The following KLRG1 variants were observed in gnomAD, a reference collection of about 807,000 sequenced individuals.
KLRG1 encodes the protein killer cell lectin like receptor G1.
In KLRG1, 16 loss-of-function variants were observed where a neutral mutation model predicts 21.8. The ratio of observed to expected loss-of-function variants is 0.73; its 90% CI spans 0.50 to 1.11. The LOEUF (loss-of-function observed/expected upper bound fraction) is 1.11. Ranked by LOEUF, KLRG1 falls within the 50% of genes most tolerant of loss-of-function variation. KLRG1 has a pLI of 0.00. For missense variants in KLRG1, 173 were observed against 218.3 expected (o/e 0.79, Z 1.31); for synonymous variants, 69 against 75.9 (o/e 0.91, Z 0.47).
At chr12:9,093,654 C>CAAAA in the KLRG1 span, 2 of 531,678 alleles carry the variant, frequency 3.8e-6, no homozygotes, top group Non-Finnish European at 5.5e-6. Flanking sequence ...TAGTTGCCAC[C>CAAAA]AAAAAAAAAA....
At chr12:8,966,011 C>G (rs2137235965) in intron 1 of KLRG1, among the ~76,000 whole-genome samples, 1 of 152,258 alleles carries the variant, frequency 6.6e-6, no homozygotes, top group African/African-American at 2.4e-5. Context: ...TGGAACAGAA[C>G]AGAGCCCTCA....
the KLRG1 span, among the ~76,000 whole-genome samples, chr12:9,074,184 G>A: frequency 6.6e-6 from 1 of 151,958 alleles, no homozygotes; most frequent in Non-Finnish European, 1.5e-5. Flanking sequence ...AGAGATTTGC[G>A]AGGAGAGGTT....
the KLRG1 span, among the ~76,000 whole-genome samples, chr12:9,161,800 A>G: frequency 2.2e-3 from 341 of 152,326 alleles, 1 homozygote; most frequent in African/African-American, 7.8e-3. Context: ...CTTCTTAATG[A>G]TATGATGAAC....
At chr12:9,204,229 G>T in the KLRG1 span, among the ~76,000 whole-genome samples, 2 of 152,296 alleles carry the variant, frequency 1.3e-5, no homozygotes, top group East Asian at 3.9e-4. Context: ...GTAAAGAGCA[G>T]TCTGAGCTCT....
the KLRG1 span, chr12:9,028,982 T>C: frequency 2.1e-4 from 126 of 614,534 alleles, no homozygotes; most frequent in Non-Finnish European, 3.7e-4. Flanking sequence ...GCGTTCCCCA[T>C]TGCTCACAAT....
chr12:9,056,430 T>G, the KLRG1 span, among the ~76,000 whole-genome samples: 9 of 152,214 alleles, frequency 5.9e-5, no homozygotes, highest in Non-Finnish European at 1.3e-4. Flanking sequence ...TTTCAGTTCT[T>G]GTTCCATATT....
chr12:9,193,837 T>A, the KLRG1 span, among the ~76,000 whole-genome samples: 1 of 152,152 alleles, frequency 6.6e-6, no homozygotes, highest in Non-Finnish European at 1.5e-5. Flanking sequence ...TCAAATAAGA[T>A]TTTTTTCATA....
the KLRG1 span, among the ~76,000 whole-genome samples, chr12:9,215,305 C>T: frequency 6.6e-6 from 1 of 151,474 alleles, no homozygotes; most frequent in African/African-American, 2.4e-5. Flanking sequence ...GCAGGATTTC[C>T]AAGACTCTTT....
chr12:9,190,001 G>A, the KLRG1 span, among the ~76,000 whole-genome samples: 1 of 151,966 alleles, frequency 6.6e-6, no homozygotes, highest in Non-Finnish European at 1.5e-5. Context: ...AACAGATGTT[G>A]GCAAGGTTGT....
chr12:9,123,016 ACTG>A, the KLRG1 span, among the ~76,000 whole-genome samples: 1 of 152,176 alleles, frequency 6.6e-6, no homozygotes, highest in Admixed American at 6.5e-5. Context: ...AGTGGTATAG[ACTG>A]CTAACATATT....
chr12:8,982,183 G>T (rs955685778), intron 1 of KLRG1, among the ~76,000 whole-genome samples: 3 of 152,180 alleles, frequency 2.0e-5, no homozygotes, highest in African/African-American at 4.8e-5. Context: ...GTTTGTTCAC[G>T]TGGGTTCAAG....
the KLRG1 span, among the ~76,000 whole-genome samples, chr12:9,179,655 G>T: frequency 6.6e-6 from 1 of 152,160 alleles, no homozygotes; most frequent in Non-Finnish European, 1.5e-5. Flanking sequence ...ATGTTTGCAG[G>T]TATTAATTTT....
chr12:9,209,687 C>A, the KLRG1 span, among the ~76,000 whole-genome samples: 2 of 152,026 alleles, frequency 1.3e-5, no homozygotes, highest in African/African-American at 4.8e-5. Context: ...TCTCTCCAAT[C>A]TCATTTCCCT....
At chr12:9,140,674 G>T in the KLRG1 span, among the ~76,000 whole-genome samples, 30 of 152,150 alleles carry the variant, frequency 2.0e-4, 1 homozygote, top group Admixed American at 2.0e-3. Context: ...TCATGGAATT[G>T]TACCATTAAA....
chr12:9,038,040 CT>C, the KLRG1 span, among the ~76,000 whole-genome samples: 1 of 152,184 alleles, frequency 6.6e-6, no homozygotes, highest in African/African-American at 2.4e-5. Flanking sequence ...AGGAGGATTG[CT>C]TGAGGCCAGG....
chr12:9,143,466 G>C, the KLRG1 span, among the ~76,000 whole-genome samples: 1 of 152,032 alleles, frequency 6.6e-6, no homozygotes, highest in Non-Finnish European at 1.5e-5. Context: ...GGTCAAAAGG[G>C]GTTTCAGAGG....
the KLRG1 span, among the ~76,000 whole-genome samples, chr12:9,054,317 CATTTT>C: frequency 6.6e-6 from 1 of 151,976 alleles, no homozygotes; most frequent in East Asian, 1.9e-4. Flanking sequence ...AGAAACAGCT[CATTTT>C]ATTTTTAAAA....
the KLRG1 span, chr12:9,164,018 A>G: frequency 7.2e-7 from 1 of 1,396,996 alleles, no homozygotes; most frequent in Non-Finnish European, 9.7e-7. Flanking sequence ...AGGAAAAAAA[A>G]CTAACTTTAT....
intron 3 of KLRG1, among the ~76,000 whole-genome samples, chr12:9,004,257 T>C (rs1947399217): frequency 6.6e-6 from 1 of 152,192 alleles, no homozygotes; most frequent in African/African-American, 2.4e-5. Context: ...TTTCTAGTTC[T>C]AGATCCCTGA....
Sources: allele counts gnomAD v4.1 joint callset (sites outside exome capture counted in the v4.1 genomes callset), GRCh38; gene constraint gnomAD v4.1.1; transcripts MANE v1.5; gene names NCBI Gene and HGNC (gene_info 2026-07-23, HGNC 2026-07-21).